Variants in CACNB2 observed in about 807,000 individuals in gnomAD.
The protein encoded by CACNB2 is calcium voltage-gated channel auxiliary subunit beta 2.
CACNB2 carries 42 observed loss-of-function variants against 73.3 expected under a neutral mutation model. The ratio of observed to expected loss-of-function variants is 0.57; its 90% CI spans 0.45 to 0.74. CACNB2 has a LOEUF of 0.74. Among genes scored for constraint, CACNB2 ranks in the 30% least tolerant of loss-of-function variants. The pLI is 0.00. For missense variants in CACNB2, 940 were observed against 853.0 expected, an observed-to-expected ratio of 1.10 and a Z score of -1.27; for synonymous variants, 348 against 310.3, an observed-to-expected ratio of 1.12 and a Z score of -1.28.
At chr10:18,514,492 C>A in intron 7 of CACNB2, 123 bp downstream of exon 7, 1 of 1,614,026 alleles carries the variant, frequency 6.2e-7, no homozygotes. Flanking sequence ...TTATTTGTTT[C>A]TTTTCCATGC....
At chr10:18,394,701 G>A (rs948879774) in intron 2 of CACNB2, among the ~76,000 whole-genome samples, 13 of 152,078 alleles carry the variant, frequency 8.5e-5, no homozygotes, top group Admixed American at 1.3e-4. Flanking sequence ...AATTACATTA[G>A]GTAATACTTG....
chr10:18,269,439 A>T (rs901239811), intron 2 of CACNB2, among the ~76,000 whole-genome samples: 1 of 152,136 alleles, frequency 6.6e-6, no homozygotes, highest in Admixed American at 6.5e-5. Flanking sequence ...CCATATTGCT[A>T]TTCCTTCAGG....
At chr10:18,194,782 G>A (rs2034554859) in intron 2 of CACNB2, among the ~76,000 whole-genome samples, 1 of 152,216 alleles carries the variant, frequency 6.6e-6, no homozygotes. Context: ...CTGTGCTGAA[G>A]TCTGTGTTTT....
At chr10:18,469,768 A>G (rs2048085580) in intron 3 of CACNB2, among the ~76,000 whole-genome samples, 3 of 152,180 alleles carry the variant, frequency 2.0e-5, no homozygotes, top group Non-Finnish European at 2.9e-5. Context: ...TAAAATCGTA[A>G]CCACATCCAT....
intron 3 of CACNB2, among the ~76,000 whole-genome samples, chr10:18,458,608 A>G (rs1229372027): frequency 6.6e-6 from 1 of 152,176 alleles, no homozygotes; most frequent in Non-Finnish European, 1.5e-5. Context: ...TGTCCTACAT[A>G]TAAGACAAAA....
chr10:18,288,802 T>TG (rs1236363188), intron 2 of CACNB2, among the ~76,000 whole-genome samples: 2 of 152,032 alleles, frequency 1.3e-5, no homozygotes, highest in African/African-American at 2.4e-5. Flanking sequence ...CCCAGCACTT[T>TG]GGGGGGCCAA....
At chr10:18,537,926 G>GGGTTGCCATGTCCTTAACAACTGTTAC (rs2053766175) in intron 12 of CACNB2, among the ~76,000 whole-genome samples, 1 of 152,024 alleles carries the variant, frequency 6.6e-6, no homozygotes, top group East Asian at 1.9e-4. Context: ...CAACTTTTCT[G>GGGTTGCCATGTCCTTAACAACTGTTAC]GGTTGCCATG....
intron 2 of CACNB2, among the ~76,000 whole-genome samples, chr10:18,185,993 G>T (rs1486426658): frequency 1.3e-5 from 2 of 152,076 alleles, no homozygotes; most frequent in African/African-American, 4.8e-5. Context: ...CTCAAAGAAA[G>T]CTTCTTTTAG....
At chr10:18,260,902 A>G (rs2037505871) in intron 2 of CACNB2, 2 of 1,118,342 alleles carry the variant, frequency 1.8e-6, no homozygotes, top group Non-Finnish European at 2.2e-6. Flanking sequence ...GAGAATGGCT[A>G]CTGTAAAAGC....
intron 10 of CACNB2, among the ~76,000 whole-genome samples, chr10:18,528,705 G>C (rs200681646): frequency 5.5e-5 from 1 of 18,292 alleles, no homozygotes; most frequent in African/African-American, 3.7e-4. Flanking sequence ...CAAAACTTCA[G>C]TAACAGGTTT....
At chr10:18,179,076 A>G (rs1248586136) in intron 2 of CACNB2, among the ~76,000 whole-genome samples, 1 of 152,224 alleles carries the variant, frequency 6.6e-6, no homozygotes, top group Non-Finnish European at 1.5e-5. Context: ...CTTACTGCGG[A>G]ACAGGCTTTT....
intron 2 of CACNB2, among the ~76,000 whole-genome samples, chr10:18,395,735 G>T (rs2043683317): frequency 6.6e-6 from 1 of 152,170 alleles, no homozygotes; most frequent in African/African-American, 2.4e-5. Context: ...GGATGACCCT[G>T]CAGCGATGTA....
chr10:18,329,747 AC>A (rs1169555299), intron 2 of CACNB2, among the ~76,000 whole-genome samples: 4 of 152,182 alleles, frequency 2.6e-5, no homozygotes, highest in African/African-American at 9.6e-5. Flanking sequence ...GTTTTATAGT[AC>A]TTTTATCCCA....
chr10:18,390,491 C>T (rs2043421192), intron 2 of CACNB2, among the ~76,000 whole-genome samples: 1 of 152,176 alleles, frequency 6.6e-6, no homozygotes, highest in African/African-American at 2.4e-5. Context: ...GGATTACAGG[C>T]ATGAGCCACG....
At chr10:18,152,425 G>T (rs1308258551) in intron 2 of CACNB2, among the ~76,000 whole-genome samples, 1 of 152,026 alleles carries the variant, frequency 6.6e-6, no homozygotes, top group Non-Finnish European at 1.5e-5. Flanking sequence ...CAACCCTAGA[G>T]CTATGTTCTA....
intron 2 of CACNB2, among the ~76,000 whole-genome samples, chr10:18,248,837 G>T (rs2131543710): frequency 6.6e-6 from 1 of 152,156 alleles, no homozygotes; most frequent in East Asian, 1.9e-4. Context: ...CTCTCCCTCT[G>T]TCTTATTTTC....
chr10:18,177,096 T>C (rs17605326), intron 2 of CACNB2, among the ~76,000 whole-genome samples: 6,813 of 152,128 alleles, frequency 0.045, 216 homozygotes, highest in Middle Eastern at 0.11. Flanking sequence ...CAAAGACATT[T>C]AGCAAGGAGA....
intron 2 of CACNB2, among the ~76,000 whole-genome samples, chr10:18,369,824 T>A (rs2132281861): frequency 6.6e-6 from 1 of 152,320 alleles, no homozygotes; most frequent in South Asian, 2.1e-4. Flanking sequence ...GGAGAATCAC[T>A]TGAACCTGGG....
intron 6 of CACNB2, among the ~76,000 whole-genome samples, chr10:18,509,187 T>C (rs974456200): frequency 1.3e-5 from 2 of 152,208 alleles, no homozygotes; most frequent in Admixed American, 1.3e-4. Context: ...GAAAGAGAAG[T>C]TCTCCCAATC....
Sources: allele counts gnomAD v4.1 joint callset (sites outside exome capture counted in the v4.1 genomes callset), GRCh38; gene constraint gnomAD v4.1.1; transcripts MANE v1.5; gene names NCBI Gene and HGNC (gene_info 2026-07-23, HGNC 2026-07-21).